The following MYO10 variants were observed in gnomAD, a reference collection of about 807,000 sequenced individuals.
MYO10 encodes myosin X.
Under a neutral mutation model 257.3 loss-of-function variants are expected in MYO10, and 133 were observed. The ratio of observed to expected loss-of-function variants is 0.52; its 90% CI spans 0.45 to 0.60. The LOEUF (loss-of-function observed/expected upper bound fraction) is 0.60. Ranked by LOEUF, MYO10 falls within the 20% of genes least tolerant of loss-of-function variation. The pLI is 0.00. For synonymous variants in MYO10, 1,104 were observed against 1,028.6 expected (o/e 1.07, Z -1.40); for missense variants, 2,399 against 2,635.7 (o/e 0.91, Z 1.97).
intron 35 of MYO10, 109 bp from the exon 36 acceptor site, chr5:16,673,998 C>A (rs928428670): frequency 2.2e-6 from 2 of 900,906 alleles, no homozygotes; most frequent in Non-Finnish European, 3.5e-6. Context: ...TGGTCCCCCA[C>A]TGGTGAATGG....
At position 16,891,889 on chromosome 5, in the gene MYO10, T is replaced by A. The variant is rs181402098; in HGVS notation, c.22-14182A>T. ...CAAATGTTACAGGTTTCAGAAAACA[T>A]CTAGAAAGCAGTTCACAAGCGAGAC... On this transcript the variant is annotated intron_variant, in intron 1 of 40. Transcript: ENST00000513610. 7.1e-4 allele frequency among the ~76,000 whole-genome samples: 108 copies of A among 152,326 alleles called. 1 individual carries two copies. In the East Asian group the frequency reaches 0.02, roughly 28 times the overall value.
chr5:16,752,219 C>T (rs1349462867), intron 19 of MYO10, among the ~76,000 whole-genome samples: 2 of 152,176 alleles, frequency 1.3e-5, no homozygotes, highest in Non-Finnish European at 2.9e-5. Flanking sequence ...GGGAAAAAAG[C>T]TTCCAATTAG....
At chr5:16,706,247 A>G (rs889080944) in intron 21 of MYO10, among the ~76,000 whole-genome samples, 1 of 151,400 alleles carries the variant, frequency 6.6e-6, no homozygotes, top group Non-Finnish European at 1.5e-5. Flanking sequence ...ACTCATATAT[A>G]TACACATATA....
At chr5:16,804,645 G>C (rs982503992) in intron 3 of MYO10, among the ~76,000 whole-genome samples, 2 of 152,076 alleles carry the variant, frequency 1.3e-5, no homozygotes, top group African/African-American at 4.8e-5. Flanking sequence ...AGCTGAGGCA[G>C]GAGGATCACC....
chr5:16,853,588 T>C (rs1418544704), intron 2 of MYO10, among the ~76,000 whole-genome samples: 2 of 152,194 alleles, frequency 1.3e-5, no homozygotes, highest in East Asian at 1.9e-4. Flanking sequence ...TGATCCCTGG[T>C]AATACCCAGG....
At chr5:16,741,851 G>A in intron 19 of MYO10, 1 of 985,400 alleles carries the variant, frequency 1.0e-6, no homozygotes, top group Non-Finnish European at 1.2e-6. Flanking sequence ...GTAAATAGCT[G>A]CATCTTTAGC....
chr5:16,672,419 CAAG>C (rs138217505), intron 37 of MYO10, among the ~76,000 whole-genome samples: 45,647 of 151,616 alleles, frequency 0.3, 7,120 homozygotes, highest in South Asian at 0.4. Context: ...CCTAAAAAAT[CAAG>C]AAATACCCAG....
At position 16,760,295 on chromosome 5, in the gene MYO10, C is replaced by CAA. The variant is rs749694848; in HGVS notation, c.1739+1167_1739+1168dup. ...CGAAACCCTGTCTCTACTAAAGATA[C>CAA]AAAAAAAAAAAAAAAAATAGCCAGG... On this transcript the variant is annotated intron_variant, in intron 17 of 40. Transcript: ENST00000513610. Among the ~76,000 whole-genome samples the CAA allele has an allele frequency of 9.0e-3, 965 of 107,274 alleles. 13 individuals are homozygous for CAA. Among genetic ancestry groups the CAA allele is most frequent in the African/African-American group, 0.027 (803 of 29,952 alleles). 70.4% of individuals were successfully genotyped at this position (107,274 alleles called of 152,430 possible).
chr5:16,869,755 C>T lies in MYO10; in HGVS notation c.120+7854G>A, dbSNP rs527618419. 2.2e-3 allele frequency among the ~76,000 whole-genome samples: 328 copies of T among 151,278 alleles called. 1 individual carries two copies. Among genetic ancestry groups the T allele is most frequent in the Non-Finnish European group, 3.6e-3 (247 of 67,982 alleles). On this transcript the variant is annotated intron_variant, in intron 2 of 40. Coordinates refer to ENST00000513610, the MANE Select transcript of MYO10 (RefSeq NM_012334.3). Reference sequence around the variant, plus strand: ...TGACGCATGCCTCTAATCCCAGCTACGTAGGAGGCTGAGGCAGAAGAATCG... The same window carrying T: ...TGACGCATGCCTCTAATCCCAGCTATGTAGGAGGCTGAGGCAGAAGAATCG...
intron 2 of MYO10, among the ~76,000 whole-genome samples, chr5:16,824,826 C>A (rs1035964597): frequency 2.0e-4 from 31 of 152,114 alleles, no homozygotes; most frequent in African/African-American, 7.5e-4. Context: ...AAGATCACAC[C>A]ACTACACACC....
chr5:16,889,815 G>A lies in MYO10; in HGVS notation c.22-12108C>T, dbSNP rs373243592. Among the ~76,000 whole-genome samples the A allele has an allele frequency of 1.5e-4, 23 of 151,860 alleles. 1 individual carries two copies. Among genetic ancestry groups the A allele is most frequent in the African/African-American group, 4.9e-4 (20 of 41,166 alleles). On this transcript the variant is annotated intron_variant, in intron 1 of 40. Coordinates refer to ENST00000513610, the MANE Select transcript of MYO10 (RefSeq NM_012334.3). The stretch of plus-strand genomic sequence containing the variant: ...CCAGCACAAGATGTTTGCACTCTGC[G>A]TGAAATCTGATACCAGACATCCTTA...
intron 9 of MYO10, among the ~76,000 whole-genome samples, chr5:16,771,267 A>T (rs1741039729): frequency 1.3e-5 from 2 of 152,258 alleles, no homozygotes; most frequent in African/African-American, 4.8e-5. Flanking sequence ...CAGTTCTGTC[A>T]AATTAGCAAA....
intron 19 of MYO10, among the ~76,000 whole-genome samples, chr5:16,738,890 C>CAA (rs36039787): frequency 1.3e-4 from 10 of 74,194 alleles, no homozygotes; most frequent in Non-Finnish European, 1.8e-4. Context: ...GACTCCATCT[C>CAA]AAAAAAAAAA....
chr5:16,784,430 C>T (rs10070089), intron 4 of MYO10, among the ~76,000 whole-genome samples: 2,655 of 152,244 alleles, frequency 0.017, 64 homozygotes, highest in African/African-American at 0.06. Flanking sequence ...CAGCTGCTGC[C>T]GTTGTTTAGG....
chr5:16,816,843 A>G (rs1742632164), intron 3 of MYO10, among the ~76,000 whole-genome samples: 1 of 127,394 alleles, frequency 7.8e-6, no homozygotes, highest in African/African-American at 3.0e-5. Context: ...TTTCTGAGAC[A>G]GAGTTTCGCT....
chr5:16,701,233 G>C lies in MYO10; in HGVS notation c.3162C>G (p.Ala1054=), dbSNP rs1392750464. The C allele has an allele frequency of 1.2e-6, 2 of 1,612,738 alleles. No homozygotes were observed. The highest frequency in any genetic ancestry group is 1.7e-6 in the Non-Finnish European group (2 of 1,179,488). Residue 1054 remains alanine, a synonymous_variant, in exon 25 of 41, where the codon GCC becomes GCG. Transcript: ENST00000513610. The surrounding 1 kb of genome is among the most constrained non-coding windows in gnomAD (Gnocchi z 8.1). ...SPSADSTVLL[A]PSVQDSGSLH... The stretch of plus-strand genomic sequence containing the variant: ...GGCTCCCGGAGTCCTGCACTGATGG[G>C]GCGAGCAGCACCGTGCTGTCCGCAC...
intron 19 of MYO10, among the ~76,000 whole-genome samples, chr5:16,716,057 A>AG (rs1395293631): frequency 3.1e-3 from 22 of 6,990 alleles, no homozygotes; most frequent in Non-Finnish European, 6.7e-3. Flanking sequence ...CTCCGTCTCG[A>AG]AAAAAAAAAA....
chr5:16,754,853 C>T lies in MYO10; in HGVS notation c.1904G>A (p.Arg635His), dbSNP rs1383319110. The T allele has an allele frequency of 5.0e-6, 8 of 1,603,378 alleles. No individual in the cohort carries two copies. Among genetic ancestry groups the T allele is most frequent in the African/African-American group, 1.3e-5 (1 of 74,794 alleles). ...TLSSSNPFFV[R>H]CIKPNMQKMP... ...CTTCTGCATGTTTGGCTTGATACAG[C>T]GAACAAAGAAAGGATTAGAGGAGCT... The change falls in exon 19 of 41, where the codon CGC becomes CAC. Residue 635 changes from arginine (R) to histidine (H), a missense_variant. This residue lies in a region of MYO10 where 1,820 missense variants were observed against 1,939.4 expected (regional missense o/e 0.94). Coordinates refer to ENST00000513610, the MANE Select transcript of MYO10 (RefSeq NM_012334.3).
chr5:16,825,212 G>A lies in MYO10; in HGVS notation c.121-7045C>T, dbSNP rs374515327. 6.6e-4 allele frequency among the ~76,000 whole-genome samples: 100 copies of A among 152,232 alleles called. No individual in the cohort carries two copies. In the Middle Eastern group the frequency reaches 0.01, roughly 16 times the overall value. On this transcript the variant is annotated intron_variant, in intron 2 of 40. Coordinates refer to ENST00000513610, the MANE Select transcript of MYO10 (RefSeq NM_012334.3). ...TGCTACTCTCCTCCTTGGGGTCTCAGCTCAAATGCTATCCTCTCGGAAGAC... is the reference window on the plus strand; with the variant it reads ...TGCTACTCTCCTCCTTGGGGTCTCAACTCAAATGCTATCCTCTCGGAAGAC...
Sources: gnomAD v4.1 joint callset for allele counts (sites outside exome capture counted in the v4.1 genomes callset) on GRCh38, gnomAD v4.1.1 for gene constraint, gnomAD v4.1.1 regional missense constraint, Gnocchi (gnomAD v3.1) non-coding constraint, MANE v1.5 for transcripts, NCBI Gene and HGNC (gene_info 2026-07-23, HGNC 2026-07-21) for gene names.